The following IRS2 variants were observed in gnomAD, a reference collection of about 807,000 sequenced individuals.
IRS2 encodes insulin receptor substrate 2.
Under a neutral mutation model 70.9 loss-of-function variants are expected in IRS2, and 28 were observed. That is an observed-to-expected ratio of 0.39 (90% confidence interval 0.29 to 0.54). The LOEUF is 0.54. IRS2 is among the 20% of genes least tolerant of loss of function. The probability of loss-of-function intolerance (pLI) is 0.59; values close to 1 mark genes in which losing one functional copy is unlikely to be tolerated. For missense variants in IRS2, 2,081 were observed against 2,024.1 expected, an observed-to-expected ratio of 1.03 and a Z score of -0.54; for synonymous variants, 1,217 against 981.9, an observed-to-expected ratio of 1.24 and a Z score of -4.48.
At chr13:109,778,541 C>CAAACAGA (rs1269324212) in intron 1 of IRS2, among the ~76,000 whole-genome samples, 1 of 152,182 alleles carries the variant, frequency 6.6e-6, no homozygotes, top group Non-Finnish European at 1.5e-5. Context: ...CCCGCCACAG[C>CAAACAGA]AAACAGAAAA....
In IRS2 at chr13:109,785,527, C is replaced by G. The variant is rs1427309871; in HGVS notation, c.527G>C (p.Gly176Ala). 1 of 1,591,588 alleles carries G rather than the reference C, an allele frequency of 6.3e-7. No homozygotes were observed. The highest frequency in any genetic ancestry group is 8.5e-7 in the Non-Finnish European group (1 of 1,169,696). ...SLPGALGGSA[G>A]AAGAEDSYGL... ...GTAGCTGTCCTCGGCCCCGGCGGCG[C>G]CGGCAGAGCCGCCCAGGGCGCCGGG... is the stretch of plus-strand genomic sequence containing the variant. The change falls in exon 1 of 2, where the codon GGC (glycine) becomes GCC (alanine). Residue 176 changes from glycine to alanine, a missense_variant. Coordinates refer to ENST00000375856, the MANE Select transcript of IRS2 (RefSeq NM_003749.3). The surrounding 1 kb of genome is among the most constrained non-coding windows in gnomAD (Gnocchi z 9.3).
At position 109,783,683 on chromosome 13, in the gene IRS2, C is replaced by G. The variant is rs2138933390; in HGVS notation, c.2371G>C (p.Gly791Arg). Residue 791 changes from glycine to arginine, a missense_variant, in exon 1 of 2, where the codon GGC becomes CGC. By Grantham distance (125) the Gly-to-Arg change is moderately radical. Around this residue, in one of 4 missense-constraint regions of IRS2, gnomAD observed 1,615 missense variants for 1,459.5 expected, o/e 1.11. Coordinates refer to ENST00000375856, the MANE Select transcript of IRS2 (RefSeq NM_003749.3). ...PDFFSAALHP[G>R]GEPLRGVPGC... Reference sequence around the variant, plus strand: ...GGAACGCCCCTGAGCGGCTCCCCGCCGGGGTGCAGGGCTGCGGAGAAGAAG... The same window carrying G: ...GGAACGCCCCTGAGCGGCTCCCCGCGGGGGTGCAGGGCTGCGGAGAAGAAG... The G allele has an allele frequency of 6.4e-7, 1 of 1,560,162 alleles. No homozygotes were observed. The highest frequency in any genetic ancestry group is 8.7e-7 in the Non-Finnish European group (1 of 1,152,116).
intron 1 of IRS2, among the ~76,000 whole-genome samples, chr13:109,759,504 G>A (rs1476885013): frequency 6.6e-6 from 1 of 152,212 alleles, no homozygotes; most frequent in Non-Finnish European, 1.5e-5. Context: ...GCAGCAGAGG[G>A]ATTGGGATAC....
rs761829648 is a variant in IRS2, at chr13:109,784,329, G to A, written c.1725C>T (p.Thr575=). 1 of 1,607,442 alleles carries A rather than the reference G, an allele frequency of 6.2e-7. No homozygotes were observed. The highest frequency in any genetic ancestry group is 1.1e-5 in the South Asian group (1 of 90,944). Residue 575 remains threonine, a synonymous_variant, in exon 1 of 2, where the codon ACC becomes ACT. Transcript: ENST00000375856. The surrounding 1 kb of genome is among the most constrained non-coding windows in gnomAD (Gnocchi z 5.2). ...QDLDRGLRKR[T]YSLTTPARQR... ...GCCGGGCTGGCGTGGTCAGGGAGTAGGTCCTCTTGCGCAGCCCTCGGTCCA... is the reference window on the plus strand; with the variant it reads ...GCCGGGCTGGCGTGGTCAGGGAGTAAGTCCTCTTGCGCAGCCCTCGGTCCA...
Position 109,782,816 on chromosome 13 carries a change from C to T in IRS2, c.3238G>A (p.Ala1080Thr), listed in dbSNP as rs774776344. 2 of 1,590,672 alleles carry T rather than the reference C, an allele frequency of 1.3e-6. No homozygotes were observed. The highest frequency in any genetic ancestry group is 1.7e-6 in the Non-Finnish European group (2 of 1,170,016). Reference protein sequence around the residue: ...GDYTEMAFGVAATPPQPIAAP... With the variant: ...GDYTEMAFGVTATPPQPIAAP... ...GCGATAGGTTGCGGCGGGGTGGCGG[C>T]CACACCAAAAGCCATCTCGGTGTAG... Residue 1080 changes from alanine (A) to threonine (T), a missense_variant, in exon 1 of 2, where the codon GCC (alanine) becomes ACC (threonine). Around this residue, in one of 4 missense-constraint regions of IRS2, gnomAD observed 1,615 missense variants for 1,459.5 expected, o/e 1.11. Coordinates refer to ENST00000375856, the MANE Select transcript of IRS2 (RefSeq NM_003749.3).
chr13:109,775,887 T>C (rs958690711), intron 1 of IRS2, among the ~76,000 whole-genome samples: 4 of 152,122 alleles, frequency 2.6e-5, no homozygotes, highest in Non-Finnish European at 5.9e-5. Flanking sequence ...CAGTGGCTTA[T>C]GCCTGCAATC....
Position 109,786,579 on chromosome 13 carries a change from GT to G in IRS2, c.-527del. 6.6e-6 allele frequency: 1 copy of G among 152,620 alleles called. No homozygotes were observed. Among genetic ancestry groups the G allele is most frequent in the East Asian group, 1.6e-4 (1 of 6,158 alleles). 9.5% of individuals were successfully genotyped at this position (152,620 alleles called of 1,614,324 possible). On this transcript the variant is annotated 5_prime_UTR_variant, in exon 1 of 2. Transcript: ENST00000375856. The surrounding 1 kb of genome is among the most constrained non-coding windows in gnomAD (Gnocchi z 4.4). ...CGTCGCGGTCCCCGCCGCACAGTGA[GT>G]AACACATCGCGCACCGAGTGACTGA...
chr13:109,772,952 C>T (rs905513767), intron 1 of IRS2, among the ~76,000 whole-genome samples: 1 of 152,098 alleles, frequency 6.6e-6, no homozygotes, highest in Non-Finnish European at 1.5e-5. Context: ...GCCTCGGCCT[C>T]CCAAAGTGCT....
At chr13:109,768,639 C>T (rs1024146808) in intron 1 of IRS2, among the ~76,000 whole-genome samples, 2 of 152,160 alleles carry the variant, frequency 1.3e-5, no homozygotes, top group Admixed American at 6.5e-5. Flanking sequence ...CCATAATGCA[C>T]GGGGCATCCC....
Position 109,756,194 on chromosome 13 carries a change from C to T in IRS2, c.*110G>A. 1 of 946,828 alleles carries T rather than the reference C, an allele frequency of 1.1e-6. No individual in the cohort carries two copies. Among genetic ancestry groups the T allele is most frequent in the South Asian group, 1.3e-5 (1 of 75,850 alleles). 58.7% of individuals were successfully genotyped at this position (946,828 alleles called of 1,614,324 possible). A position where few individuals can be genotyped will look rare whatever the true frequency, so the allele number is the denominator to read the frequency against. On this transcript the variant is annotated 3_prime_UTR_variant, in exon 2 of 2. Transcript: ENST00000375856. ...GATGTTTCCAAACACAGTCATTGCT[C>T]AGATCCAAAAGAAAACTGCAAGCAG...
intron 1 of IRS2, among the ~76,000 whole-genome samples, chr13:109,760,832 G>C (rs1566405039): frequency 1.3e-5 from 2 of 152,220 alleles, no homozygotes; most frequent in South Asian, 2.1e-4. Context: ...AAGGAGGAAA[G>C]CTTCCTTGTA....
At position 109,753,690 on chromosome 13, in the gene IRS2, G is replaced by A. The variant is rs1877042485; in HGVS notation, c.*2614C>T. 5.5e-6 allele frequency: 1 copy of A among 183,226 alleles called. No individual in the cohort carries two copies. Among genetic ancestry groups the A allele is most frequent in the South Asian group, 2.0e-4 (1 of 5,060 alleles). The allele number at this position is 183,226 out of a possible 1,614,324, so 11.4% of individuals were successfully genotyped here. ...TGTTGTTATCTGGCAGGTATTTTTTGGCTTCCAGAATAAAAGTTTTAAAAT... is the reference window on the plus strand; with the variant it reads ...TGTTGTTATCTGGCAGGTATTTTTTAGCTTCCAGAATAAAAGTTTTAAAAT... On this transcript the variant is annotated 3_prime_UTR_variant, in exon 2 of 2. Transcript: ENST00000375856.
At chr13:109,756,421 A>T in intron 1 of IRS2, 113 bp from the exon 2 acceptor site, 2 of 842,622 alleles carry the variant, frequency 2.4e-6, no homozygotes, top group Middle Eastern at 2.4e-4. Flanking sequence ...ATTTTCATAA[A>T]CTGATGACCT....
intron 1 of IRS2, among the ~76,000 whole-genome samples, chr13:109,764,817 A>G (rs568608860): frequency 1.3e-4 from 20 of 152,284 alleles, no homozygotes; most frequent in Non-Finnish European, 2.9e-4. Context: ...CAACTGCCGA[A>G]TGCACAAAAA....
chr13:109,765,293 T>C (rs1410293938), intron 1 of IRS2, among the ~76,000 whole-genome samples: 4 of 152,190 alleles, frequency 2.6e-5, no homozygotes, highest in Non-Finnish European at 5.9e-5. Context: ...ACCAACTATA[T>C]AAAGTTCATT....
At chr13:109,767,786 G>T (rs1967911) in intron 1 of IRS2, among the ~76,000 whole-genome samples, 1 of 145,832 alleles carries the variant, frequency 6.9e-6, no homozygotes, top group African/African-American at 2.6e-5. Flanking sequence ...AGGCTGGAGC[G>T]CAGTGGTGCA....
At chr13:109,775,693 G>T (rs569306463) in intron 1 of IRS2, among the ~76,000 whole-genome samples, 13 of 150,758 alleles carry the variant, frequency 8.6e-5, no homozygotes, top group Admixed American at 7.2e-4. Context: ...TTGAATTTCA[G>T]TTATGGAGAA....
At position 109,783,669 on chromosome 13, in the gene IRS2, G is replaced by T; in HGVS notation, c.2385C>A (p.Leu795=). Residue 795 remains leucine (L), a synonymous_variant, in exon 1 of 2, where the codon CTC becomes CTA. Coordinates refer to ENST00000375856, the MANE Select transcript of IRS2 (RefSeq NM_003749.3). ...TGTAGCAGCAGCCGGGAACGCCCCT[G>T]AGCGGCTCCCCGCCGGGGTGCAGGG... ...SAALHPGGEP[L]RGVPGCCYSS... The T allele has an allele frequency of 6.4e-7, 1 of 1,557,894 alleles. No individual in the cohort carries two copies. Among genetic ancestry groups the T allele is most frequent in the African/African-American group, 1.4e-5 (1 of 73,708 alleles).
rs1216757416 is a variant in IRS2, at chr13:109,752,723, A to G, written c.*3581T>C. 1 of 152,232 alleles carries G rather than the reference A, an allele frequency of 6.6e-6. No individual in the cohort carries two copies. Among genetic ancestry groups the G allele is most frequent in the African/African-American group, 2.4e-5 (1 of 41,454 alleles). 9.4% of individuals were successfully genotyped at this position (152,232 alleles called of 1,614,324 possible). On this transcript the variant is annotated 3_prime_UTR_variant, in exon 2 of 2. Transcript: ENST00000375856. ...CAAATTGCACTGATTTTATTTGTTC[A>G]AAAGATAACACACACATTATTACAT...
Sources: allele counts gnomAD v4.1 joint callset (sites outside exome capture counted in the v4.1 genomes callset), GRCh38; gene constraint gnomAD v4.1.1; regional missense constraint gnomAD v4.1.1; non-coding constraint Gnocchi (gnomAD v3.1); transcripts MANE v1.5; gene names NCBI Gene and HGNC (gene_info 2026-07-23, HGNC 2026-07-21).